MACROD2: variants seen among roughly 807,000 people sequenced by gnomAD.
MACROD2 encodes mono-ADP ribosylhydrolase 2, also known as ADP-ribose glycohydrolase MACROD2.
Under a neutral mutation model 70.4 loss-of-function variants are expected in MACROD2, and 36 were observed. That is an observed-to-expected ratio of 0.51 (90% CI 0.39 to 0.68). The LOEUF is 0.68. Among genes scored for constraint, MACROD2 ranks in the 30% least tolerant of loss-of-function variants. The pLI is 0.00. For missense variants in MACROD2, 496 were observed against 538.4 expected, an observed-to-expected ratio of 0.92 and a Z score of 0.78; for synonymous variants, 172 against 178.8, an observed-to-expected ratio of 0.96 and a Z score of 0.30.
intron 3 of MACROD2, among the ~76,000 whole-genome samples, chr20:14,474,033 G>A (rs768945180): frequency 9.3e-5 from 14 of 150,996 alleles, no homozygotes; most frequent in South Asian, 2.1e-4. Context: ...TTTTTGCTTT[G>A]GAGCTGCTTG....
intron 3 of MACROD2, among the ~76,000 whole-genome samples, chr20:14,311,794 A>G (rs1267924816): frequency 1.3e-5 from 2 of 152,130 alleles, no homozygotes; most frequent in Admixed American, 6.5e-5. Flanking sequence ...CTGGGATTAC[A>G]GGCGTGAGCC....
chr20:15,151,550 T>C lies in MACROD2; in HGVS notation c.419-78390T>C, dbSNP rs1022675200. 3.3e-5 allele frequency among the ~76,000 whole-genome samples: 5 copies of C among 151,924 alleles called. 1 individual carries two copies. The highest frequency in any genetic ancestry group is 7.3e-5 in the African/African-American group (3 of 41,282). ...AGTTTTATTTAATGTCGGGAGCAGA[T>C]TGGGTAATAAAATGTATATTAAGAA... On this transcript the variant is annotated intron_variant, in intron 5 of 17. Coordinates refer to ENST00000684519, the MANE Select transcript of MACROD2 (RefSeq NM_001351661.2).
intron 3 of MACROD2, among the ~76,000 whole-genome samples, chr20:14,188,253 G>A (rs1418708485): frequency 6.6e-6 from 1 of 152,058 alleles, no homozygotes; most frequent in East Asian, 1.9e-4. Context: ...CCAGTTTTGA[G>A]ATATCTTTAT....
chr20:14,124,128 A>G (rs528364290), intron 3 of MACROD2, among the ~76,000 whole-genome samples: 13 of 152,328 alleles, frequency 8.5e-5, no homozygotes, highest in African/African-American at 3.1e-4. Flanking sequence ...TAAATTGAGT[A>G]TAAGCTGCAT....
At chr20:15,387,923 A>AT (rs11402058) in intron 6 of MACROD2, among the ~76,000 whole-genome samples, 50,000 of 150,818 alleles carry the variant, frequency 0.33, 8,517 homozygotes, top group African/African-American at 0.37. Flanking sequence ...GTATTTATTT[A>AT]TTTTTTTTGT....
At chr20:15,914,484 T>C (rs1353567252) in intron 10 of MACROD2, among the ~76,000 whole-genome samples, 1 of 152,176 alleles carries the variant, frequency 6.6e-6, no homozygotes, top group Non-Finnish European at 1.5e-5. Context: ...AATTGCCTTA[T>C]ATAAAAAGTG....
chr20:14,161,616 G>A (rs1328683826), intron 3 of MACROD2, among the ~76,000 whole-genome samples: 8 of 140,758 alleles, frequency 5.7e-5, no homozygotes, highest in South Asian at 4.5e-4. Flanking sequence ...TCACTCTGTC[G>A]CCCAGGCTGA....
chr20:14,348,387 T>G (rs1750333162), intron 3 of MACROD2, among the ~76,000 whole-genome samples: 1 of 152,136 alleles, frequency 6.6e-6, no homozygotes, highest in South Asian at 2.1e-4. Flanking sequence ...TGTATCAGAA[T>G]GTACATGAAA....
intron 3 of MACROD2, among the ~76,000 whole-genome samples, chr20:14,330,132 G>A (rs1030506136): frequency 6.6e-6 from 1 of 152,000 alleles, no homozygotes; most frequent in Non-Finnish European, 1.5e-5. Flanking sequence ...ACCAGGTGGG[G>A]CATTTCTCTC....
intron 3 of MACROD2, among the ~76,000 whole-genome samples, chr20:14,268,491 A>G (rs898168369): frequency 2.0e-5 from 3 of 152,184 alleles, no homozygotes; most frequent in Non-Finnish European, 4.4e-5. Context: ...CTTGTAAACA[A>G]GAAGTGAGTT....
intron 13 of MACROD2, among the ~76,000 whole-genome samples, chr20:15,979,255 T>C (rs2066358838): frequency 6.6e-6 from 1 of 152,202 alleles, no homozygotes; most frequent in Non-Finnish European, 1.5e-5. Context: ...GTGTTCCACA[T>C]GCTTTCCATT....
At chr20:14,808,452 A>G (rs2072666873) in intron 5 of MACROD2, among the ~76,000 whole-genome samples, 1 of 152,206 alleles carries the variant, frequency 6.6e-6, no homozygotes, top group East Asian at 1.9e-4. Context: ...TATGGAAAGG[A>G]AAAACCAGTA....
intron 2 of MACROD2, among the ~76,000 whole-genome samples, chr20:14,059,626 G>A (rs2053669526): frequency 6.6e-6 from 1 of 152,176 alleles, no homozygotes; most frequent in Admixed American, 6.6e-5. Context: ...AGTGGTTCAG[G>A]GAGAGGGGTT....
At chr20:15,727,958 A>C (rs187422765) in intron 8 of MACROD2, among the ~76,000 whole-genome samples, 2 of 152,048 alleles carry the variant, frequency 1.3e-5, no homozygotes, top group Non-Finnish European at 2.9e-5. Flanking sequence ...GAGTTTCAGT[A>C]CTATGTTGAA....
At chr20:14,757,585 A>C in intron 5 of MACROD2, 6 of 1,086,584 alleles carry the variant, frequency 5.5e-6, no homozygotes, top group Middle Eastern at 2.9e-4. Flanking sequence ...AAGAAGAACC[A>C]GATTGCCATT....
At chr20:14,633,657 A>G (rs572401286) in intron 4 of MACROD2, among the ~76,000 whole-genome samples, 4 of 152,182 alleles carry the variant, frequency 2.6e-5, no homozygotes, top group African/African-American at 9.6e-5. Context: ...CCATCATCCC[A>G]GTTATCGAGG....
At chr20:14,540,950 A>G (rs2123232499) in intron 4 of MACROD2, among the ~76,000 whole-genome samples, 1 of 152,312 alleles carries the variant, frequency 6.6e-6, no homozygotes, top group African/African-American at 2.4e-5. Context: ...ACTGTCCATA[A>G]TTAGCCCCAT....
intron 3 of MACROD2, among the ~76,000 whole-genome samples, chr20:14,297,815 A>G (rs1477149963): frequency 2.0e-5 from 3 of 151,964 alleles, no homozygotes; most frequent in Admixed American, 6.6e-5. Context: ...CTAGCCTTCT[A>G]TTGGAAGAAG....
intron 5 of MACROD2, among the ~76,000 whole-genome samples, chr20:14,862,630 AATATATATATAAATAT>A (rs2073376257): frequency 2.0e-4 from 2 of 10,208 alleles, no homozygotes; most frequent in East Asian, 2.0e-3. Context: ...TATATATATA[AATATATATATAAATAT>A]ATATATATAA....
Sources: allele counts gnomAD v4.1 joint callset (sites outside exome capture counted in the v4.1 genomes callset), GRCh38; gene constraint gnomAD v4.1.1; transcripts MANE v1.5; gene names NCBI Gene and HGNC (gene_info 2026-07-23, HGNC 2026-07-21).